Variants in CSN2 observed in about 807,000 individuals in gnomAD.
CSN2 encodes the protein casein beta, also known as beta-casein.
In CSN2, 27 loss-of-function variants were observed where a neutral mutation model predicts 27.3. That is an observed-to-expected ratio of 0.99 (90% confidence interval 0.73 to 1.36). CSN2 has a LOEUF of 1.36. CSN2 is among the 40% of genes most tolerant of loss of function. The pLI is 0.00. For missense variants in CSN2, 333 were observed against 264.5 expected (o/e 1.26, Z -1.80); for synonymous variants, 131 against 94.8 (o/e 1.38, Z -2.22).
intron 1 of CSN2, among the ~76,000 whole-genome samples, chr4:69,963,168 G>A (rs1008674869): frequency 3.3e-5 from 5 of 152,214 alleles, no homozygotes; most frequent in African/African-American, 1.2e-4. Flanking sequence ...CATTGTGGAA[G>A]TCAGTGTGGC....
Position 69,959,992 on chromosome 4 carries a change from A to G in CSN2, c.78+61T>C, listed in dbSNP as rs763252103. ...GCATTAGCTTAACTGCCATGATGTA[A>G]CACCATAGAAAAATAGCACAGGATT... On this transcript the variant is annotated intron_variant, in intron 3 of 7. Coordinates refer to ENST00000353151, the MANE Select transcript of CSN2 (RefSeq NM_001891.4). 4 of 1,477,904 alleles carry G rather than the reference A, an allele frequency of 2.7e-6. No individual in the cohort carries two copies. The East Asian group carries it at 9.1e-5, about 34-fold the overall frequency. 91.5% of individuals were successfully genotyped at this position (1,477,904 alleles called of 1,614,324 possible). A position where few individuals can be genotyped will look rare whatever the true frequency, so the allele number is the denominator to read the frequency against.
Position 69,959,051 on chromosome 4 carries a change from T to C in CSN2, c.97A>G (p.Lys33Glu). 1 of 1,415,584 alleles carries C rather than the reference T, an allele frequency of 7.1e-7. No homozygotes were observed. Among genetic ancestry groups the C allele is most frequent in the Non-Finnish European group, 9.8e-7 (1 of 1,024,538 alleles). 87.7% of individuals were successfully genotyped at this position (1,415,584 alleles called of 1,614,324 possible). The change falls in exon 4 of 8, where the codon AAG becomes GAG. Residue 33 changes from lysine (K) to glutamate (E), a missense_variant and splice_region_variant. Coordinates refer to ENST00000353151, the MANE Select transcript of CSN2 (RefSeq NM_001891.4). The stretch of plus-strand genomic sequence containing the variant: ...ACATTTTAAATGTGAAAATTTACCT[T>C]GTATTCTGTAATAGATTCCTACAGA... ...SSSEESITEYKQKVEKVKHED... is the reference protein window; with the variant it reads ...SSSEESITEYEQKVEKVKHED...
intron 6 of CSN2, among the ~76,000 whole-genome samples, chr4:69,956,656 T>C (rs746899639): frequency 6.6e-6 from 1 of 152,176 alleles, no homozygotes; most frequent in Non-Finnish European, 1.5e-5. Flanking sequence ...GTAAAAGAGA[T>C]GTGCACAAGG....
rs747892438 is a variant in CSN2 at position 69,960,981 on chromosome 4, G to C, written c.15C>G (p.Ile5Met). 1 of 1,612,740 alleles carries C rather than the reference G, an allele frequency of 6.2e-7. No homozygotes were observed. The change falls in exon 2 of 8, where the codon ATC (isoleucine) becomes ATG (methionine). Residue 5 changes from isoleucine (I) to methionine (M), a missense_variant. Ile to Met is a conservative substitution (Grantham distance 10, BLOSUM62 1). Coordinates refer to ENST00000353151, the MANE Select transcript of CSN2 (RefSeq NM_001891.4). MKVLILACLVALALA... is the reference protein window; with the variant it reads MKVLMLACLVALALA... ...GAGCAAGAGCCACCAGGCAGGCGAGGATGAGGACCTTCATGGCTACTAAGT... is the reference window on the plus strand; with the variant it reads ...GAGCAAGAGCCACCAGGCAGGCGAGCATGAGGACCTTCATGGCTACTAAGT...
chr4:69,959,823 A>G (rs1466121818), intron 3 of CSN2, among the ~76,000 whole-genome samples: 2 of 147,490 alleles, frequency 1.4e-5, no homozygotes, highest in Non-Finnish European at 3.0e-5. Flanking sequence ...ATGGTTCATT[A>G]AAAAAAAAAG....
intron 1 of CSN2, among the ~76,000 whole-genome samples, chr4:69,961,764 A>T (rs868832124): frequency 2.3e-4 from 35 of 152,336 alleles, no homozygotes; most frequent in African/African-American, 7.7e-4. Flanking sequence ...AATAAAGGTC[A>T]TTCAATTAGG....
rs1349650678 is a variant in CSN2, at chr4:69,956,282, A to T, written c.*36+32T>A. 3.8e-6 allele frequency: 5 copies of T among 1,324,662 alleles called. No homozygotes were observed. In the African/African-American group the frequency reaches 7.6e-5, roughly 20 times the overall value. 82.1% of individuals were successfully genotyped at this position (1,324,662 alleles called of 1,614,324 possible). On this transcript the variant is annotated intron_variant, in intron 7 of 7. Transcript: ENST00000353151. ...TAAAAAGACATCATGTATAAAAATGATCAATTAAATCTCCAAACTCCCAAA... is the reference window on the plus strand; with the variant it reads ...TAAAAAGACATCATGTATAAAAATGTTCAATTAAATCTCCAAACTCCCAAA...
At chr4:69,963,500 C>A (rs1202576895) in intron 1 of CSN2, among the ~76,000 whole-genome samples, 3 of 151,964 alleles carry the variant, frequency 2.0e-5, no homozygotes, top group Non-Finnish European at 4.4e-5. Flanking sequence ...AAAAACCAAA[C>A]ACCACATGTT....
In CSN2 at chr4:69,957,709, G is replaced by A. The variant is rs1723450983; in HGVS notation, c.240C>T (p.Asn80=). The change falls in exon 6 of 8, where the codon AAC becomes AAT. Residue 80 remains asparagine, a synonymous_variant. Coordinates refer to ENST00000353151, the MANE Select transcript of CSN2 (RefSeq NM_001891.4). ...CAGCAGGCTGAGCAAGAGGCAGAAT[G>A]TTTTGTGGAAGAAAACCATAGGGGA... ...EPIPYGFLPQ[N]ILPLAQPAVV... 2.5e-6 allele frequency: 4 copies of A among 1,613,882 alleles called. No homozygotes were observed. The highest frequency in any genetic ancestry group is 4.5e-5 in the East Asian group (2 of 44,892).
intron 1 of CSN2, among the ~76,000 whole-genome samples, chr4:69,963,063 G>A (rs567798627): frequency 1.3e-3 from 202 of 151,792 alleles, no homozygotes; most frequent in African/African-American, 3.5e-3. Flanking sequence ...TTAGAATGGC[G>A]ATCATTAAAA....
At chr4:69,959,289 G>A (rs1727462332) in intron 3 of CSN2, among the ~76,000 whole-genome samples, 1 of 151,974 alleles carries the variant, frequency 6.6e-6, no homozygotes, top group Non-Finnish European at 1.5e-5. Flanking sequence ...GCAATTAATA[G>A]ATGCTAATTT....
At position 69,957,754 on chromosome 4, in the gene CSN2, G is replaced by A. The variant is rs1205548465; in HGVS notation, c.195C>T (p.Ile65=). ...AGGGGATAGGTTCAACGAATGGATA[G>A]ATCAGAGGCTGTGGCTGGAAAGAGG... ...IYPSFQPQPL[I]YPFVEPIPYG... The change falls in exon 6 of 8, where the codon ATC becomes ATT. Residue 65 remains isoleucine, a synonymous_variant. Transcript: ENST00000353151. The A allele has an allele frequency of 6.2e-7, 1 of 1,613,944 alleles. No individual in the cohort carries two copies. The highest frequency in any genetic ancestry group is 1.3e-5 in the African/African-American group (1 of 75,036).
rs1470397250 is a variant in CSN2, at chr4:69,958,923, G to T, written c.130C>A (p.Gln44Lys). 6.3e-7 allele frequency: 1 copy of T among 1,592,684 alleles called. No individual in the cohort carries two copies. The highest frequency in any genetic ancestry group is 8.6e-7 in the Non-Finnish European group (1 of 1,164,672). ...TAACAAATTACCTCTCCTTGCTGCT[G>T]GTCCTCATGTTTAACCTTCTCAACT... ...QKVEKVKHED[Q>K]QQGEDEHQDK... The change falls in exon 5 of 8, where the codon CAG becomes AAG. Residue 44 changes from glutamine to lysine, a missense_variant. By Grantham distance (53) the Gln-to-Lys change is moderately conservative. Coordinates refer to ENST00000353151, the MANE Select transcript of CSN2 (RefSeq NM_001891.4).
chr4:69,960,147 G>T, intron 2 of CSN2, 68 bp from the exon 3 acceptor site: 1 of 1,416,558 alleles, frequency 7.1e-7, no homozygotes. Flanking sequence ...CTATTTTATG[G>T]TTCATAAATT....
chr4:69,959,192 A>G lies in CSN2; in HGVS notation c.79-123T>C, dbSNP rs1723493606. ...ATTAATAACTTTGTATAATCATTAA[A>G]CTTATGTATTAAACTGTTCTATATG... On this transcript the variant is annotated intron_variant, in intron 3 of 7. Coordinates refer to ENST00000353151, the MANE Select transcript of CSN2 (RefSeq NM_001891.4). The G allele has an allele frequency of 1.6e-5, 13 of 788,198 alleles. No individual in the cohort carries two copies. The South Asian group carries it at 2.8e-4, about 17-fold the overall frequency. 48.8% of individuals were successfully genotyped at this position (788,198 alleles called of 1,614,324 possible).
intron 2 of CSN2, 81 bp from the exon 3 acceptor site, chr4:69,960,160 C>A: frequency 7.5e-7 from 1 of 1,336,338 alleles, no homozygotes; most frequent in Non-Finnish European, 1.1e-6. Context: ...CATAAATTTT[C>A]TCTAAAAAAA....
In CSN2 at chr4:69,961,019, G is replaced by GA. The variant is rs760790800; in HGVS notation, c.-12-13dup. The GA allele has an allele frequency of 2.0e-5, 32 of 1,600,666 alleles. No homozygotes were observed. The highest frequency in any genetic ancestry group is 2.7e-5 in the Non-Finnish European group (31 of 1,169,494). Reference sequence around the variant, plus strand: ...ATGGCTACTAAGTCCTGTGAATGTAGAAAAAATGGAATGGTGGAAGATTGG... The same window carrying GA: ...ATGGCTACTAAGTCCTGTGAATGTAGAAAAAAATGGAATGGTGGAAGATTGG... On this transcript the variant is annotated splice_polypyrimidine_tract_variant and intron_variant, in intron 1 of 7. Coordinates refer to ENST00000353151, the MANE Select transcript of CSN2 (RefSeq NM_001891.4).
chr4:69,955,959 TA>T (rs1291162182), intron 7 of CSN2, among the ~76,000 whole-genome samples: 3 of 152,016 alleles, frequency 2.0e-5, no homozygotes, highest in African/African-American at 7.2e-5. Context: ...AGGTTAGAAA[TA>T]AAAATGCAAA....
Position 69,959,081 on chromosome 4 carries a change from T to G in CSN2, c.79-12A>C. On this transcript the variant is annotated splice_polypyrimidine_tract_variant and intron_variant, in intron 3 of 7. Coordinates refer to ENST00000353151, the MANE Select transcript of CSN2 (RefSeq NM_001891.4). ...TCTGTAATAGATTCCTACAGAAAAA[T>G]ATAAAATAAAATTAGGTTTAGTTTT... is the stretch of plus-strand genomic sequence containing the variant. The G allele has an allele frequency of 7.5e-7, 1 of 1,327,888 alleles. No homozygotes were observed. The highest frequency in any genetic ancestry group is 1.5e-5 in the African/African-American group (1 of 66,830). The allele number at this position is 1,327,888 out of a possible 1,614,324, so 82.3% of individuals were successfully genotyped here.
Sources: allele counts gnomAD v4.1 joint callset (sites outside exome capture counted in the v4.1 genomes callset), GRCh38; gene constraint gnomAD v4.1.1; transcripts MANE v1.5; gene names NCBI Gene and HGNC (gene_info 2026-07-23, HGNC 2026-07-21).